Variants in NCKAP5 observed in about 807,000 individuals in gnomAD.
NCKAP5 encodes the protein nck-associated protein 5.
NCKAP5 carries 92 observed loss-of-function variants against 167.0 expected under a neutral mutation model. The ratio of observed to expected loss-of-function variants is 0.55; its 90% confidence interval spans 0.47 to 0.66. NCKAP5 has a LOEUF of 0.66. Ranked by LOEUF, NCKAP5 falls within the 30% of genes least tolerant of loss-of-function variation. The pLI is 0.00. For synonymous variants in NCKAP5, 891 were observed against 877.4 expected, an observed-to-expected ratio of 1.02 and a Z score of -0.27; for missense variants, 2,378 against 2,315.0, an observed-to-expected ratio of 1.03 and a Z score of -0.56.
chr2:133,642,424 A>C, the NCKAP5 span, among the ~76,000 whole-genome samples: 1 of 152,190 alleles, frequency 6.6e-6, no homozygotes, highest in Non-Finnish European at 1.5e-5. Flanking sequence ...CCAGATGAAC[A>C]TATAGAAAGC....
the NCKAP5 span, among the ~76,000 whole-genome samples, chr2:133,634,305 G>T: frequency 3.3e-5 from 5 of 152,084 alleles, no homozygotes; most frequent in African/African-American, 1.2e-4. Flanking sequence ...CGTAACAAAG[G>T]GCTGTTTAAC....
At chr2:132,915,277 A>C (rs1694777863) in intron 8 of NCKAP5, among the ~76,000 whole-genome samples, 1 of 152,132 alleles carries the variant, frequency 6.6e-6, no homozygotes, top group East Asian at 1.9e-4. Context: ...TCAGATGAGA[A>C]GACGAGAGGC....
the NCKAP5 span, among the ~76,000 whole-genome samples, chr2:133,659,461 C>T: frequency 1.3e-5 from 2 of 151,958 alleles, no homozygotes; most frequent in Non-Finnish European, 1.5e-5. Flanking sequence ...GAAATAATAA[C>T]AAAAACACAA....
chr2:132,766,969 A>G (rs1391451997), intron 16 of NCKAP5, among the ~76,000 whole-genome samples: 1 of 152,238 alleles, frequency 6.6e-6, no homozygotes, highest in Admixed American at 6.5e-5. Flanking sequence ...GCTTATAAGA[A>G]CAACGTCTGT....
intron 8 of NCKAP5, chr2:132,915,772 A>C (rs1394335453): frequency 1.3e-5 from 2 of 152,106 alleles, no homozygotes; most frequent in Non-Finnish European, 2.9e-5. Flanking sequence ...AAGAGTGAGC[A>C]GAGCCTCTGT....
intron 5 of NCKAP5, among the ~76,000 whole-genome samples, chr2:133,184,723 T>C (rs1341135099): frequency 1.3e-5 from 2 of 152,084 alleles, no homozygotes; most frequent in African/African-American, 4.8e-5. Context: ...ACTAGTGATA[T>C]TGAACATCTT....
the NCKAP5 span, among the ~76,000 whole-genome samples, chr2:133,671,891 A>G: frequency 6.6e-6 from 1 of 152,146 alleles, no homozygotes; most frequent in Non-Finnish European, 1.5e-5. Flanking sequence ...TTCCTTCTAC[A>G]AGATTTTATA....
intron 6 of NCKAP5, among the ~76,000 whole-genome samples, chr2:133,073,245 C>CT (rs2080482370): frequency 6.6e-6 from 1 of 151,748 alleles, no homozygotes; most frequent in African/African-American, 2.4e-5. Context: ...TTCTTTCTCC[C>CT]TTTTTTTATT....
At chr2:132,833,843 G>T (rs1274947200) in intron 11 of NCKAP5, among the ~76,000 whole-genome samples, 1 of 152,046 alleles carries the variant, frequency 6.6e-6, no homozygotes, top group East Asian at 1.9e-4. Context: ...ACTATTTGGG[G>T]TCTTTTTTCA....
intron 3 of NCKAP5, among the ~76,000 whole-genome samples, chr2:133,368,991 C>A (rs995482199): frequency 3.3e-5 from 5 of 152,088 alleles, no homozygotes; most frequent in Admixed American, 3.3e-4. Context: ...CATATCCAGA[C>A]AACAAGACCA....
intron 5 of NCKAP5, among the ~76,000 whole-genome samples, chr2:133,133,519 T>C (rs1284688399): frequency 6.6e-6 from 1 of 152,234 alleles, no homozygotes; most frequent in Non-Finnish European, 1.5e-5. Flanking sequence ...TGACATTACA[T>C]ACATGTTCAA....
chr2:133,310,246 A>G (rs1681137880), intron 3 of NCKAP5, among the ~76,000 whole-genome samples: 1 of 152,180 alleles, frequency 6.6e-6, no homozygotes, highest in Non-Finnish European at 1.5e-5. Flanking sequence ...AATTCTTCCG[A>G]GGAGACTTTT....
chr2:132,815,646 T>G (rs72847244), intron 11 of NCKAP5, among the ~76,000 whole-genome samples: 1 of 152,126 alleles, frequency 6.6e-6, no homozygotes, highest in African/African-American at 2.4e-5. Flanking sequence ...TTAACTTGAA[T>G]GTACAAAAAT....
chr2:133,542,361 A>T (rs1686294777), intron 2 of NCKAP5, among the ~76,000 whole-genome samples: 2 of 152,172 alleles, frequency 1.3e-5, no homozygotes, highest in Non-Finnish European at 1.5e-5. Flanking sequence ...TAATCCTATA[A>T]TGTGTTTTAG....
the NCKAP5 span, among the ~76,000 whole-genome samples, chr2:133,668,127 GC>G: frequency 3.4e-4 from 52 of 152,024 alleles, no homozygotes; most frequent in African/African-American, 1.3e-3. Context: ...CCTTTATATG[GC>G]TAGATAATAT....
At chr2:132,906,621 A>G (rs978653759) in intron 8 of NCKAP5, among the ~76,000 whole-genome samples, 3 of 152,176 alleles carry the variant, frequency 2.0e-5, no homozygotes, top group African/African-American at 7.2e-5. Flanking sequence ...AACCTTGCTT[A>G]GTTTGAACTT....
intron 8 of NCKAP5, among the ~76,000 whole-genome samples, chr2:132,893,020 A>G (rs1199699071): frequency 2.0e-5 from 3 of 151,630 alleles, no homozygotes; most frequent in Non-Finnish European, 2.9e-5. Context: ...AAAAAACCAG[A>G]AAGGAAAAAA....
In NCKAP5 at chr2:133,270,096, C is replaced by T. The variant is rs545868314; in HGVS notation, c.143+32941G>A. 7.9e-5 allele frequency among the ~76,000 whole-genome samples: 12 copies of T among 152,282 alleles called. No individual in the cohort carries two copies. In the South Asian group the frequency reaches 2.5e-3, roughly 32 times the overall value. On this transcript the variant is annotated intron_variant, in intron 4 of 19. Coordinates refer to ENST00000409261, the MANE Select transcript of NCKAP5 (RefSeq NM_207363.3). ...TAAGTTAAATTTTAAAAATAACTTA[C>T]GTAAAGCTCTTAGAATAGTTCCTGA...
At chr2:133,408,356 T>A (rs752230320) in intron 3 of NCKAP5, among the ~76,000 whole-genome samples, 47 of 152,202 alleles carry the variant, frequency 3.1e-4, no homozygotes, top group Non-Finnish European at 5.4e-4. Context: ...ATATATGTTT[T>A]TTCAACTCTC....
Sources: gnomAD v4.1 joint callset for allele counts (sites outside exome capture counted in the v4.1 genomes callset) on GRCh38, gnomAD v4.1.1 for gene constraint, MANE v1.5 for transcripts, NCBI Gene and HGNC (gene_info 2026-07-23, HGNC 2026-07-21) for gene names.